The following ATG7 variants were observed in gnomAD, a reference collection of about 807,000 sequenced individuals.
ATG7 encodes the protein autophagy related 7.
In ATG7, 70 loss-of-function variants were observed where a neutral mutation model predicts 82.4. The observed-to-expected ratio is 0.85, with a 90% CI of 0.70 to 1.04. The LOEUF (loss-of-function observed/expected upper bound fraction) is 1.04, where lower values mean the gene tolerates loss of function less well. Ranked by LOEUF, ATG7 falls within the 50% of genes least tolerant of loss-of-function variation. The pLI is 0.00. For synonymous variants in ATG7, 287 were observed against 313.0 expected, an observed-to-expected ratio of 0.92 and a Z score of 0.88; for missense variants, 792 against 864.3, an observed-to-expected ratio of 0.92 and a Z score of 1.05.
chr3:11,338,498 TC>T (rs56661263), intron 11 of ATG7, among the ~76,000 whole-genome samples: 79,225 of 151,774 alleles, frequency 0.52, 21,725 homozygotes, highest in Non-Finnish European at 0.63. Flanking sequence ...GAAAAACAAT[TC>T]TGAAGTCTTA....
intron 9 of ATG7, among the ~76,000 whole-genome samples, chr3:11,328,739 G>T (rs980079892): frequency 1.3e-5 from 2 of 152,146 alleles, no homozygotes; most frequent in African/African-American, 4.8e-5. Flanking sequence ...ACTCACAATG[G>T]TTATAGAACA....
At chr3:11,561,207 G>A (rs897399526), downstream of ATG7, among the ~76,000 whole-genome samples, 4 of 152,126 alleles carry the variant, frequency 2.6e-5, no homozygotes, top group African/African-American at 9.7e-5. Flanking sequence ...CCTGACCCAC[G>A]CAAATGTGGG....
intron 14 of ATG7, among the ~76,000 whole-genome samples, chr3:11,349,933 T>G (rs570716017): frequency 6.6e-6 from 1 of 152,332 alleles, no homozygotes; most frequent in East Asian, 1.9e-4. Flanking sequence ...CTTGACAGTT[T>G]TCTTTTTTTA....
chr3:11,478,204 C>G (rs2088484420), intron 20 of ATG7, among the ~76,000 whole-genome samples: 1 of 152,026 alleles, frequency 6.6e-6, no homozygotes, highest in Non-Finnish European at 1.5e-5. Context: ...TGATTATTTT[C>G]AAAAATGAGT....
chr3:11,384,506 A>G (rs922470847), intron 19 of ATG7, among the ~76,000 whole-genome samples: 5 of 152,256 alleles, frequency 3.3e-5, no homozygotes, highest in African/African-American at 9.6e-5. Context: ...GTATCTGGGC[A>G]TATATCTTGA....
At chr3:11,399,661 A>G (rs531960918) in intron 19 of ATG7, among the ~76,000 whole-genome samples, 3 of 151,410 alleles carry the variant, frequency 2.0e-5, no homozygotes, top group African/African-American at 7.3e-5. Context: ...TGCAACCTCC[A>G]CTTCCCGGGC....
intron 20 of ATG7, among the ~76,000 whole-genome samples, chr3:11,458,300 GT>G (rs1224195002): frequency 4.6e-5 from 7 of 152,008 alleles, no homozygotes; most frequent in African/African-American, 1.7e-4. Context: ...GTCTTGCTGT[GT>G]TGCCCAGGAT....
chr3:11,421,444 T>C (rs1022783310), intron 19 of ATG7, among the ~76,000 whole-genome samples: 31 of 152,220 alleles, frequency 2.0e-4, no homozygotes, highest in African/African-American at 7.2e-4. Context: ...GAAACCACTC[T>C]CTTTGCTTAC....
At chr3:11,394,727 C>T (rs2079073953) in intron 19 of ATG7, among the ~76,000 whole-genome samples, 1 of 152,164 alleles carries the variant, frequency 6.6e-6, no homozygotes, top group African/African-American at 2.4e-5. Context: ...TTTAAGTGGC[C>T]CGGAAACCGT....
chr3:11,483,022 GT>G (rs1380459895), intron 20 of ATG7, among the ~76,000 whole-genome samples: 1 of 151,802 alleles, frequency 6.6e-6, no homozygotes, highest in East Asian at 1.9e-4. Context: ...GATTCTCAAC[GT>G]TTTTCCACCT....
At chr3:11,360,556 C>G (rs757906107) in intron 15 of ATG7, 25 bp from the exon 16 acceptor site, 4 of 1,603,612 alleles carry the variant, frequency 2.5e-6, no homozygotes, top group Non-Finnish European at 3.4e-6. Context: ...TTTAACTCTG[C>G]TCTTTCATTC....
At chr3:11,575,806 G>A in the ATG7 span, among the ~76,000 whole-genome samples, 1 of 152,208 alleles carries the variant, frequency 6.6e-6, no homozygotes, top group South Asian at 2.1e-4. Flanking sequence ...TGAGTCTGGG[G>A]CCAACCCCTG....
the ATG7 span, among the ~76,000 whole-genome samples, chr3:11,565,999 G>A: frequency 2.6e-5 from 4 of 152,114 alleles, no homozygotes; most frequent in Non-Finnish European, 5.9e-5. The surrounding 1 kb of genome is among the most constrained non-coding windows in gnomAD (Gnocchi z 4.1). Flanking sequence ...AGAAAAAGGT[G>A]GTGAATTATG....
the ATG7 span, chr3:11,568,655 T>C: frequency 6.4e-7 from 1 of 1,564,066 alleles, no homozygotes; most frequent in East Asian, 2.4e-5. This position sits in a 1 kb window ranked among gnomAD's most constrained non-coding sequence, Gnocchi z 5.9. Context: ...GACATTGTTT[T>C]CCAGGCCCCG....
In ATG7 at chr3:11,313,384, G is replaced by A. The variant is rs1020397223; in HGVS notation, c.492G>A (p.Gly164=). ...CAGAGAGTTTACCTCTCATTCAGGG[G>A]CCAGTGGGTTTGGATCAAAGGTTTT... ...CLPESLPLIQ[G]PVGLDQRFSL... Residue 164 remains glycine, a synonymous_variant, in exon 8 of 21, where the codon GGG becomes GGA. Coordinates refer to ENST00000693202, the MANE Select transcript of ATG7 (RefSeq NM_001349232.2). 12 of 1,612,208 alleles carry A rather than the reference G, an allele frequency of 7.4e-6. No individual in the cohort carries two copies. Among genetic ancestry groups the A allele is most frequent in the Non-Finnish European group, 1.0e-5 (12 of 1,179,048 alleles).
At chr3:11,336,784 C>A (rs576200875) in intron 11 of ATG7, among the ~76,000 whole-genome samples, 24 of 152,238 alleles carry the variant, frequency 1.6e-4, no homozygotes, top group Admixed American at 4.6e-4. Context: ...ACCATCCCCC[C>A]AGCTTAGCTT....
chr3:11,547,288 C>G (rs2071378578), intron 20 of ATG7, among the ~76,000 whole-genome samples: 1 of 152,166 alleles, frequency 6.6e-6, no homozygotes, highest in South Asian at 2.1e-4. Context: ...AAAATGGGGG[C>G]AAACATGTGA....
intron 9 of ATG7, among the ~76,000 whole-genome samples, chr3:11,316,863 T>C (rs867207384): frequency 6.6e-6 from 1 of 152,228 alleles, no homozygotes; most frequent in South Asian, 2.1e-4. Context: ...CATGTGAATA[T>C]ATCAGAGCTG....
chr3:11,558,098 T>C (rs950052533), downstream of ATG7: 6 of 173,142 alleles, frequency 3.5e-5, no homozygotes, highest in Admixed American at 1.6e-4. Flanking sequence ...GACAGTTCTC[T>C]TCAAGTATAC....
Sources: allele counts gnomAD v4.1 joint callset (sites outside exome capture counted in the v4.1 genomes callset), GRCh38; gene constraint gnomAD v4.1.1; non-coding constraint Gnocchi (gnomAD v3.1); transcripts MANE v1.5; gene names NCBI Gene and HGNC (gene_info 2026-07-23, HGNC 2026-07-21).